Variants in ADK observed in about 807,000 individuals in gnomAD.
The protein encoded by ADK is N6,N6-dimethyladenosine kinase.
Under a neutral mutation model 44.7 loss-of-function variants are expected in ADK, and 24 were observed. The observed-to-expected ratio is 0.54, with a 90% CI of 0.39 to 0.76. ADK has a LOEUF of 0.76. Ranked by LOEUF, ADK falls within the 30% of genes least tolerant of loss-of-function variation. ADK has a pLI of 0.00. For missense variants in ADK, 321 were observed against 425.1 expected (o/e 0.76, Z 2.15); for synonymous variants, 128 against 142.6 (o/e 0.90, Z 0.73).
At chr10:74,310,930 CTTGTTT>C (rs1412330493) in intron 3 of ADK, among the ~76,000 whole-genome samples, 1 of 151,754 alleles carries the variant, frequency 6.6e-6, no homozygotes, top group Non-Finnish European at 1.5e-5. Flanking sequence ...TTTCTTTGCT[CTTGTTT>C]TTTATTCAGC....
intron 4 of ADK, among the ~76,000 whole-genome samples, chr10:74,333,821 A>G (rs1041796569): frequency 1.3e-5 from 2 of 152,160 alleles, no homozygotes; most frequent in African/African-American, 4.8e-5. Context: ...AATACTGTAA[A>G]CATTAAGTAG....
At chr10:74,578,170 C>T (rs1055987278) in intron 7 of ADK, among the ~76,000 whole-genome samples, 3 of 152,126 alleles carry the variant, frequency 2.0e-5, no homozygotes, top group Non-Finnish European at 4.4e-5. Flanking sequence ...AAGCACTTAA[C>T]AAGGGTGCTG....
rs970334166 is a variant in ADK at position 74,422,037 on chromosome 10, T to C, written c.555+23458T>C. 6.6e-5 allele frequency among the ~76,000 whole-genome samples: 10 copies of C among 152,220 alleles called. No homozygotes were observed. The East Asian group carries it at 1.4e-3, about 21-fold the overall frequency. On this transcript the variant is annotated intron_variant, in intron 6 of 10. Coordinates refer to ENST00000539909, the MANE Select transcript of ADK (RefSeq NM_006721.4). ...CTTCTCCTTGAGAGTATGAGCTGGATTGAGTGAGTCATATCCAAAAATTGA... is the reference window on the plus strand; with the variant it reads ...CTTCTCCTTGAGAGTATGAGCTGGACTGAGTGAGTCATATCCAAAAATTGA...
chr10:74,275,730 C>T (rs945422858), intron 3 of ADK, among the ~76,000 whole-genome samples: 4 of 151,784 alleles, frequency 2.6e-5, no homozygotes, highest in Non-Finnish European at 2.9e-5. Context: ...ACAATCTTGG[C>T]TTACTACAAC....
rs777885108 is a variant in ADK, at chr10:74,398,595, A to AT, written c.555+18dup. The AT allele has an allele frequency of 1.5e-5, 22 of 1,424,010 alleles. No homozygotes were observed. In the African/African-American group the frequency reaches 3.0e-4, roughly 19 times the overall value. 88.2% of individuals were successfully genotyped at this position (1,424,010 alleles called of 1,614,324 possible). ...TTATATAGCAGTAAGTACTTACCTA[A>AT]TTCAAATCTCTAGTACATATTTACA... On this transcript the variant is annotated intron_variant, in intron 6 of 10. Transcript: ENST00000539909.
At chr10:74,286,675 A>G (rs1056807859) in intron 3 of ADK, among the ~76,000 whole-genome samples, 10 of 152,200 alleles carry the variant, frequency 6.6e-5, no homozygotes, top group Non-Finnish European at 1.5e-4. Flanking sequence ...ATAGACAATG[A>G]TATTTGAAGT....
At chr10:74,568,399 G>A (rs1290269755) in intron 7 of ADK, among the ~76,000 whole-genome samples, 1 of 152,014 alleles carries the variant, frequency 6.6e-6, no homozygotes, top group Non-Finnish European at 1.5e-5. Context: ...ACAGGATTTG[G>A]CTCTGATACG....
At chr10:74,638,456 G>A (rs1304114556) in intron 9 of ADK, among the ~76,000 whole-genome samples, 2 of 152,162 alleles carry the variant, frequency 1.3e-5, no homozygotes, top group South Asian at 4.1e-4. Context: ...GAGGCCAGGA[G>A]TTCAAGACCA....
At position 74,538,240 on chromosome 10, in the gene ADK, C is replaced by T. The variant is rs973726128; in HGVS notation, c.726+12814C>T. Among the ~76,000 whole-genome samples the T allele has an allele frequency of 3.4e-5, 5 of 148,662 alleles. No individual in the cohort carries two copies. The Admixed American group carries it at 3.4e-4, about 10-fold the overall frequency. The stretch of plus-strand genomic sequence containing the variant: ...ACTGCCCTCCAGCCTGGCAACAGAG[C>T]GAGACTCCGTCTCACAAAAAAAAAA... On this transcript the variant is annotated intron_variant, in intron 7 of 10. Transcript: ENST00000539909.
At chr10:74,323,208 A>T (rs567871283) in intron 4 of ADK, among the ~76,000 whole-genome samples, 12 of 151,430 alleles carry the variant, frequency 7.9e-5, no homozygotes, top group African/African-American at 1.9e-4. Context: ...ATTCAGAAAC[A>T]TTTTTTTTTG....
intron 6 of ADK, among the ~76,000 whole-genome samples, chr10:74,441,656 G>A (rs1351159833): frequency 6.6e-6 from 1 of 152,104 alleles, no homozygotes; most frequent in Admixed American, 6.5e-5. Context: ...GTCTTGCAAT[G>A]ACTTTTTATG....
At chr10:74,374,936 T>C (rs1467249487) in intron 4 of ADK, among the ~76,000 whole-genome samples, 1 of 152,204 alleles carries the variant, frequency 6.6e-6, no homozygotes, top group East Asian at 1.9e-4. Flanking sequence ...ACTCCTCGTA[T>C]GTTGTTTTCA....
At chr10:74,445,252 A>C (rs1845554623) in intron 6 of ADK, among the ~76,000 whole-genome samples, 1 of 151,932 alleles carries the variant, frequency 6.6e-6, no homozygotes, top group Admixed American at 6.6e-5. Context: ...ACATATCTTG[A>C]GTTCTTAGTG....
chr10:74,421,557 G>C (rs1844556735), intron 6 of ADK, among the ~76,000 whole-genome samples: 1 of 152,184 alleles, frequency 6.6e-6, no homozygotes, highest in Non-Finnish European at 1.5e-5. Context: ...TGTGTTTACT[G>C]AGAAGGCCTA....
At chr10:74,422,902 C>T (rs897027321) in intron 6 of ADK, among the ~76,000 whole-genome samples, 35 of 152,050 alleles carry the variant, frequency 2.3e-4, no homozygotes, top group African/African-American at 8.0e-4. Flanking sequence ...TCTATGGTTT[C>T]CCAGCTGGGA....
chr10:74,188,408 G>A (rs1842841904), intron 1 of ADK, among the ~76,000 whole-genome samples: 2 of 136,532 alleles, frequency 1.5e-5, no homozygotes, highest in South Asian at 4.3e-4. Context: ...GAGTGCAGTG[G>A]CGCGATCTTG....
At chr10:74,616,901 C>T (rs922444173) in intron 9 of ADK, among the ~76,000 whole-genome samples, 1 of 151,674 alleles carries the variant, frequency 6.6e-6, no homozygotes, top group African/African-American at 2.4e-5. Context: ...ATGTTTTTTT[C>T]TTTTCAGTGT....
At chr10:74,291,155 C>A (rs1045748219) in intron 3 of ADK, among the ~76,000 whole-genome samples, 1 of 152,118 alleles carries the variant, frequency 6.6e-6, no homozygotes, top group Non-Finnish European at 1.5e-5. Context: ...CGGTGGCTCA[C>A]GCCTGTAATC....
At chr10:74,611,551 A>G (rs142470895) in intron 9 of ADK, among the ~76,000 whole-genome samples, 16 of 146,048 alleles carry the variant, frequency 1.1e-4, no homozygotes, top group African/African-American at 4.1e-4. Context: ...GGGTTGTTAC[A>G]TGGATATATT....
Sources: allele counts gnomAD v4.1 joint callset (sites outside exome capture counted in the v4.1 genomes callset), GRCh38; gene constraint gnomAD v4.1.1; transcripts MANE v1.5; gene names NCBI Gene and HGNC (gene_info 2026-07-23, HGNC 2026-07-21).